Variants in ZNF827 observed in about 807,000 individuals in gnomAD.
The protein encoded by ZNF827 is zinc finger protein 827.
Under a neutral mutation model 102.4 loss-of-function variants are expected in ZNF827, and 13 were observed. That is an observed-to-expected ratio of 0.13 (90% CI 0.08 to 0.20). The LOEUF (loss-of-function observed/expected upper bound fraction) is 0.20. ZNF827 is among the 10% of genes least tolerant of loss of function. The pLI is 1.00. For synonymous variants in ZNF827, 523 were observed against 536.2 expected, an observed-to-expected ratio of 0.98 and a Z score of 0.34; for missense variants, 1,103 against 1,344.4, an observed-to-expected ratio of 0.82 and a Z score of 2.81.
chr4:145,884,392 T>C (rs957018417), intron 4 of ZNF827, among the ~76,000 whole-genome samples: 4 of 152,136 alleles, frequency 2.6e-5, no homozygotes, highest in Non-Finnish European at 4.4e-5. Context: ...TTTAGTGAAA[T>C]GCGACTCACA....
At chr4:145,792,028 T>A (rs1739777146) in intron 8 of ZNF827, among the ~76,000 whole-genome samples, 1 of 152,232 alleles carries the variant, frequency 6.6e-6, no homozygotes, top group African/African-American at 2.4e-5. Flanking sequence ...CTCTGCTTTC[T>A]ATGACAAAGT....
At chr4:145,851,151 T>C (rs1424052955) in intron 5 of ZNF827, among the ~76,000 whole-genome samples, 2 of 152,096 alleles carry the variant, frequency 1.3e-5, no homozygotes, top group Non-Finnish European at 2.9e-5. Context: ...CTGGAAGGAG[T>C]GCAGCCAGAC....
At chr4:145,881,634 A>G (rs1358800279) in intron 4 of ZNF827, among the ~76,000 whole-genome samples, 1 of 152,302 alleles carries the variant, frequency 6.6e-6, no homozygotes, top group East Asian at 1.9e-4. Flanking sequence ...CAGTTCCTTT[A>G]TGCTCTGCAC....
rs1200707884 is a variant in ZNF827 at position 145,765,734 on chromosome 4, T to G, written c.2865A>C (p.Glu955Asp). The G allele has an allele frequency of 6.2e-7, 1 of 1,613,000 alleles. No individual in the cohort carries two copies. Among genetic ancestry groups the G allele is most frequent in the Non-Finnish European group, 8.5e-7 (1 of 1,179,520 alleles). ...TTGATTCGCTGGGGGTCTTCCTGTC[T>G]TCCCCTGAAAAATAAGCAAATAACC... ...KTHIGTKHTG[E>D]DRKTPSESNS... is the part of the protein sequence containing the mutation. Residue 955 changes from glutamate (E) to aspartate (D), a missense_variant, in exon 12 of 15, where the codon GAA becomes GAC. Transcript: ENST00000508784. The surrounding 1 kb of genome is among the most constrained non-coding windows in gnomAD (Gnocchi z 4.7).
chr4:145,928,834 G>A (rs943066557), intron 1 of ZNF827, among the ~76,000 whole-genome samples: 5 of 152,222 alleles, frequency 3.3e-5, no homozygotes, highest in Admixed American at 2.0e-4. Flanking sequence ...TAAGATACCT[G>A]AGGGAGGTGG....
chr4:145,867,005 T>C (rs966182164), intron 5 of ZNF827, among the ~76,000 whole-genome samples: 7 of 152,232 alleles, frequency 4.6e-5, no homozygotes, highest in Middle Eastern at 3.2e-3. Context: ...ATGTTATATA[T>C]CCTCTATATT....
At chr4:145,846,774 G>A (rs1746004180) in intron 6 of ZNF827, among the ~76,000 whole-genome samples, 4 of 144,724 alleles carry the variant, frequency 2.8e-5, no homozygotes, top group African/African-American at 7.8e-5. Flanking sequence ...CCGAGATCGC[G>A]CCACTACACT....
At chr4:145,858,937 T>C (rs1029927050) in intron 5 of ZNF827, among the ~76,000 whole-genome samples, 1 of 152,246 alleles carries the variant, frequency 6.6e-6, no homozygotes, top group African/African-American at 2.4e-5. Flanking sequence ...TATGTGGTGC[T>C]ACATATTACT....
chr4:145,911,735 T>G (rs1561072106), intron 1 of ZNF827, among the ~76,000 whole-genome samples: 1 of 152,190 alleles, frequency 6.6e-6, no homozygotes, highest in Non-Finnish European at 1.5e-5. Flanking sequence ...TTTCCAAACA[T>G]AGGCAGTGCT....
chr4:145,899,284 C>A (rs1178621324), intron 2 of ZNF827, among the ~76,000 whole-genome samples: 1 of 141,526 alleles, frequency 7.1e-6, no homozygotes, highest in African/African-American at 2.6e-5. Flanking sequence ...CCCAAACCAA[C>A]AGTATAATGT....
chr4:145,802,470 A>G (rs1325530694), intron 8 of ZNF827, among the ~76,000 whole-genome samples: 4 of 152,348 alleles, frequency 2.6e-5, no homozygotes, highest in African/African-American at 9.6e-5. Flanking sequence ...CAGCCTGTTC[A>G]GTCAAAACCA....
intron 9 of ZNF827, among the ~76,000 whole-genome samples, chr4:145,779,071 G>A (rs1285765504): frequency 1.4e-5 from 2 of 144,402 alleles, no homozygotes; most frequent in Non-Finnish European, 3.0e-5. Flanking sequence ...GTGTCCCCCT[G>A]TCCTTCACTT....
chr4:145,819,864 T>C (rs1176776852), intron 8 of ZNF827: 1 of 152,224 alleles, frequency 6.6e-6, no homozygotes, highest in African/African-American at 2.4e-5. Context: ...CATTCTTTAG[T>C]TCTCAGGAAA....
chr4:145,936,563 C>CT (rs1239485457), intron 1 of ZNF827, among the ~76,000 whole-genome samples: 1 of 152,156 alleles, frequency 6.6e-6, no homozygotes, highest in Non-Finnish European at 1.5e-5. Flanking sequence ...TGCAAGTGCC[C>CT]TTGCTCGCCA....
intron 6 of ZNF827, among the ~76,000 whole-genome samples, chr4:145,846,681 A>G (rs1333724075): frequency 7.7e-6 from 1 of 129,792 alleles, no homozygotes; most frequent in Middle Eastern, 8.3e-3. Flanking sequence ...GCAGGGCATG[A>G]TGGCGCGTGC....
intron 4 of ZNF827, 25 bp downstream of exon 4, chr4:145,885,652 GA>G: frequency 8.6e-7 from 1 of 1,161,086 alleles, no homozygotes; most frequent in Non-Finnish European, 1.2e-6. Flanking sequence ...GAGAGAGAGA[GA>G]GAGAATACAA....
intron 1 of ZNF827, among the ~76,000 whole-genome samples, chr4:145,908,374 C>T (rs1262153129): frequency 1.3e-5 from 2 of 152,150 alleles, no homozygotes; most frequent in Non-Finnish European, 2.9e-5. Context: ...TTCTCACGGT[C>T]AACTCTCTAA....
chr4:145,875,186 T>C (rs892300735), intron 4 of ZNF827, among the ~76,000 whole-genome samples: 2 of 152,250 alleles, frequency 1.3e-5, no homozygotes, highest in African/African-American at 4.8e-5. Context: ...GACCATCATT[T>C]GTTTTAACAA....
chr4:145,785,772 CA>C lies in ZNF827; in HGVS notation c.2384-6262del, dbSNP rs546729049. Among the ~76,000 whole-genome samples, 539 of 152,330 alleles carry C rather than the reference CA, an allele frequency of 3.5e-3. 3 individuals are homozygous for C. Among genetic ancestry groups the C allele is most frequent in the Non-Finnish European group, 6.1e-3 (417 of 68,028 alleles). On this transcript the variant is annotated intron_variant, in intron 8 of 14. Transcript: ENST00000508784. ...GTGTCATTCAAGCTCTTCCAAGCCA[CA>C]TGAAATCAATGCCAAAGTCTACAAA...
Sources: gnomAD v4.1 joint callset for allele counts (sites outside exome capture counted in the v4.1 genomes callset) on GRCh38, gnomAD v4.1.1 for gene constraint, Gnocchi (gnomAD v3.1) non-coding constraint, MANE v1.5 for transcripts, NCBI Gene and HGNC (gene_info 2026-07-23, HGNC 2026-07-21) for gene names.